The following MAF variants were observed in gnomAD, a reference collection of about 807,000 sequenced individuals.
The protein encoded by MAF is transcription factor Maf.
Under a neutral mutation model 22.0 loss-of-function variants are expected in MAF, and 10 were observed. The observed-to-expected ratio is 0.45, with a 90% CI of 0.28 to 0.77. The LOEUF (loss-of-function observed/expected upper bound fraction) is 0.77. MAF is among the 30% of genes least tolerant of loss of function. The pLI, the probability that MAF is intolerant of heterozygous loss-of-function variation, is 0.12. For missense variants in MAF, 544 were observed against 548.4 expected, an observed-to-expected ratio of 0.99 and a Z score of 0.08; for synonymous variants, 337 against 255.8, an observed-to-expected ratio of 1.32 and a Z score of -3.03.
At chr16:79,420,298 A>G in the MAF span, among the ~76,000 whole-genome samples, 2 of 152,296 alleles carry the variant, frequency 1.3e-5, no homozygotes, top group East Asian at 1.9e-4. Flanking sequence ...CACGAGGCCA[A>G]CGTGGGACAG....
At chr16:79,497,379 A>G in the MAF span, among the ~76,000 whole-genome samples, 1 of 151,072 alleles carries the variant, frequency 6.6e-6, no homozygotes, top group Non-Finnish European at 1.5e-5. Context: ...TCCTCACCCC[A>G]CTCCACCCGC....
chr16:79,392,746 AG>A, the MAF span, among the ~76,000 whole-genome samples: 1 of 152,160 alleles, frequency 6.6e-6, no homozygotes, highest in Non-Finnish European at 1.5e-5. Context: ...GTAGCCCAGT[AG>A]GACCAAACCC....
chr16:79,516,633 C>T, the MAF span, among the ~76,000 whole-genome samples: 1 of 152,214 alleles, frequency 6.6e-6, no homozygotes, highest in African/African-American at 2.4e-5. Context: ...TGGATTAACT[C>T]ATCTGTGATG....
the MAF span, among the ~76,000 whole-genome samples, chr16:79,319,422 G>A: frequency 3.5e-4 from 54 of 152,326 alleles, no homozygotes; most frequent in Non-Finnish European, 6.2e-4. Flanking sequence ...TTATAAAGCA[G>A]AAGGTTGATA....
the MAF span, among the ~76,000 whole-genome samples, chr16:79,463,478 C>A: frequency 6.6e-6 from 1 of 152,136 alleles, no homozygotes; most frequent in East Asian, 1.9e-4. Context: ...TAAACTGTGG[C>A]AAACCTGTGC....
chr16:79,270,587 G>T, the MAF span, among the ~76,000 whole-genome samples: 1 of 152,160 alleles, frequency 6.6e-6, no homozygotes, highest in Non-Finnish European at 1.5e-5. Context: ...GCTTAGGTAG[G>T]GCTGGCTTGT....
chr16:79,208,361 T>C, the MAF span, among the ~76,000 whole-genome samples: 2 of 145,874 alleles, frequency 1.4e-5, no homozygotes, highest in African/African-American at 2.6e-5. Context: ...CCTACAGGCT[T>C]CTGATAAATG....
chr16:79,548,975 G>C, the MAF span, among the ~76,000 whole-genome samples: 2 of 152,082 alleles, frequency 1.3e-5, no homozygotes, highest in Admixed American at 6.6e-5. Flanking sequence ...TTCTACATTA[G>C]CATGTATTAT....
At chr16:79,504,906 T>A in the MAF span, among the ~76,000 whole-genome samples, 1 of 152,160 alleles carries the variant, frequency 6.6e-6, no homozygotes. Flanking sequence ...CACAAACACA[T>A]ACACACACAG....
the MAF span, among the ~76,000 whole-genome samples, chr16:79,484,701 G>C: frequency 5.3e-5 from 8 of 152,218 alleles, no homozygotes; most frequent in African/African-American, 1.9e-4. Flanking sequence ...GGCCAGGGTG[G>C]GAGCTGCTCA....
chr16:79,585,820 C>T (rs536688476), downstream of MAF: 1 of 465,284 alleles, frequency 2.1e-6, no homozygotes. Flanking sequence ...TTTAAAAAAA[C>T]AAAGAAAAGG....
exon 2 of MAF, chr16:79,585,923 A>G (rs1382250804): frequency 4.4e-6 from 3 of 686,754 alleles, no homozygotes; most frequent in African/African-American, 1.8e-5. Flanking sequence ...TCACTGATGT[A>G]GAGGATTCCC....
chr16:79,317,912 A>AC, the MAF span, among the ~76,000 whole-genome samples: 130 of 119,260 alleles, frequency 1.1e-3, no homozygotes, highest in African/African-American at 3.5e-3. Context: ...TCATTCATTC[A>AC]TTCACTCACT....
At chr16:79,280,465 C>G in the MAF span, among the ~76,000 whole-genome samples, 13 of 152,300 alleles carry the variant, frequency 8.5e-5, no homozygotes, top group Admixed American at 7.2e-4. Flanking sequence ...GTTTTAGAAC[C>G]CCTGGGATTC....
the MAF span, among the ~76,000 whole-genome samples, chr16:79,576,136 C>T: frequency 6.8e-6 from 1 of 146,522 alleles, no homozygotes; most frequent in Non-Finnish European, 1.5e-5. Context: ...ACTGCTCTTG[C>T]TTTTCTGATT....
At chr16:79,440,220 C>G in the MAF span, among the ~76,000 whole-genome samples, 1 of 152,184 alleles carries the variant, frequency 6.6e-6, no homozygotes, top group African/African-American at 2.4e-5. Flanking sequence ...GCTCTTGCTG[C>G]CCTGGCTTTG....
At chr16:79,472,831 G>C in the MAF span, among the ~76,000 whole-genome samples, 1 of 151,706 alleles carries the variant, frequency 6.6e-6, no homozygotes, top group Non-Finnish European at 1.5e-5. Flanking sequence ...GAGAAAGAAA[G>C]AAAAAACCCT....
chr16:79,204,008 A>G, the MAF span: 18 of 152,324 alleles, frequency 1.2e-4, no homozygotes, highest in Admixed American at 7.8e-4. Flanking sequence ...GCCCAGTTGG[A>G]AAATTTCAGT....
At chr16:79,290,158 G>C in the MAF span, among the ~76,000 whole-genome samples, 1 of 152,048 alleles carries the variant, frequency 6.6e-6, no homozygotes, top group East Asian at 1.9e-4. Flanking sequence ...TGCTCAGCCT[G>C]TATATCTTCT....
Sources: allele counts gnomAD v4.1 joint callset (sites outside exome capture counted in the v4.1 genomes callset), GRCh38; gene constraint gnomAD v4.1.1; transcripts MANE v1.5; gene names NCBI Gene and HGNC (gene_info 2026-07-23, HGNC 2026-07-21).